RBMXL1: variants seen among roughly 807,000 people sequenced by gnomAD.
RBMXL1 encodes the protein RBMX like 1.
A neutral mutation model predicts 29.0 loss-of-function variants in RBMXL1; 18 were observed. The observed-to-expected ratio is 0.62, with a 90% CI of 0.43 to 0.92. The LOEUF is 0.92. RBMXL1 is among the 40% of genes least tolerant of loss of function. The pLI is 0.00. For missense variants in RBMXL1, 403 were observed against 495.8 expected (o/e 0.81, Z 1.78); for synonymous variants, 141 against 170.4 (o/e 0.83, Z 1.34).
In RBMXL1 at chr1:88,986,037, C is replaced by T. The variant is rs968976575; in HGVS notation, c.-240-1971G>A. Among the ~76,000 whole-genome samples, 7 of 151,842 alleles carry T rather than the reference C, an allele frequency of 4.6e-5. No homozygotes were observed. The East Asian group carries it at 9.7e-4, about 21-fold the overall frequency. On this transcript the variant is annotated intron_variant, in intron 2 of 2. Transcript: ENST00000652648. ...CTCTACAAAAAATACAAATATTGGC[C>T]GGGAGTGGTGGCGGGCACCTATAGT...
rs759468515 is a variant in RBMXL1, at chr1:88,984,075, G to A, written c.-240-9C>T. ...AAAACAACAGAATGTTCCTGTAATGGTGGAAGAAATGAAAGTAAAACTCAG... is the reference window on the plus strand; with the variant it reads ...AAAACAACAGAATGTTCCTGTAATGATGGAAGAAATGAAAGTAAAACTCAG... On this transcript the variant is annotated splice_polypyrimidine_tract_variant and intron_variant, in intron 2 of 2. Coordinates refer to ENST00000652648, the MANE Select transcript of RBMXL1 (RefSeq NM_001162536.3). The A allele has an allele frequency of 1.6e-5, 7 of 433,416 alleles. No homozygotes were observed. The highest frequency in any genetic ancestry group is 1.5e-4 in the African/African-American group (7 of 46,786). 26.8% of individuals were successfully genotyped at this position (433,416 alleles called of 1,614,324 possible).
Position 88,980,386 on chromosome 1 carries a change from G to A in RBMXL1, c.*2268C>T, listed in dbSNP as rs911679668. On this transcript the variant is annotated 3_prime_UTR_variant, in exon 3 of 3. Transcript: ENST00000652648. ...CCCTCTGGACCAAGCACCCGCCCAA[G>A]CAAGCCAACTTTAACAAAATTATCT... 1 of 151,574 alleles carries A rather than the reference G, an allele frequency of 6.6e-6. No homozygotes were observed. The highest frequency in any genetic ancestry group is 2.4e-5 in the African/African-American group (1 of 41,116). 9.4% of individuals were successfully genotyped at this position (151,574 alleles called of 1,614,324 possible).
At position 88,982,811 on chromosome 1, in the gene RBMXL1, T is replaced by C. The variant is rs1376147381; in HGVS notation, c.1016A>G (p.Asp339Gly). The C allele has an allele frequency of 6.2e-7, 1 of 1,613,988 alleles. No individual in the cohort carries two copies. Among genetic ancestry groups the C allele is most frequent in the Admixed American group, 1.7e-5 (1 of 60,024 alleles). ...SSRSDLYSSC[D>G]RVGRQERGLP... ...CCCTCTTTCTTGTCTGCCAACCCTG[T>C]CACAACTTGAGTAGAGATCACTTCG... Residue 339 changes from aspartate to glycine, a missense_variant, in exon 3 of 3, where the codon GAC becomes GGC. Coordinates refer to ENST00000652648, the MANE Select transcript of RBMXL1 (RefSeq NM_001162536.3).
At position 88,980,806 on chromosome 1, in the gene RBMXL1, A is replaced by G. The variant is rs1295353030; in HGVS notation, c.*1848T>C. 2 of 152,196 alleles carry G rather than the reference A, an allele frequency of 1.3e-5. No individual in the cohort carries two copies. The highest frequency in any genetic ancestry group is 3.8e-4 in the East Asian group (2 of 5,202). 9.4% of individuals were successfully genotyped at this position (152,196 alleles called of 1,614,324 possible). On this transcript the variant is annotated 3_prime_UTR_variant, in exon 3 of 3. Transcript: ENST00000652648. ...CACAGAAGCTTTAACCCAAGTAATC[A>G]TAAGAATATGGAAGGATTCGGCTAA...
rs1442622046 is a variant in RBMXL1, at chr1:88,983,921, G to A, written c.-95C>T. The A allele has an allele frequency of 3.6e-5, 52 of 1,435,738 alleles. No individual in the cohort carries two copies. The highest frequency in any genetic ancestry group is 1.8e-4 in the East Asian group (8 of 44,042). 88.9% of individuals were successfully genotyped at this position (1,435,738 alleles called of 1,614,324 possible). A position where few individuals can be genotyped will look rare whatever the true frequency, so the allele number is the denominator to read the frequency against. On this transcript the variant is annotated 5_prime_UTR_variant, in exon 3 of 3. Coordinates refer to ENST00000652648, the MANE Select transcript of RBMXL1 (RefSeq NM_001162536.3). ...TTCCTAGCAGCTCAGCACCAGTGGC[G>A]GCTGTCAGTTAGGAGGACTGAACCG...
rs775801077 is a variant in RBMXL1, at chr1:88,983,048, T to C, written c.779A>G (p.Tyr260Cys). 2.4e-5 allele frequency: 39 copies of C among 1,612,568 alleles called. No individual in the cohort carries two copies. The highest frequency in any genetic ancestry group is 5.0e-5 in the Admixed American group (3 of 59,998). ...ACGACCATATCCATCTCTATCGCCA[T>C]AGCCTCTTGATGGATAGTCATCACG... ...SSRDDYPSRGYGDRDGYGRDR... is the reference protein window; with the variant it reads ...SSRDDYPSRGCGDRDGYGRDR... The change falls in exon 3 of 3, where the codon TAT (tyrosine) becomes TGT (cysteine). Residue 260 changes from tyrosine to cysteine, a missense_variant. Coordinates refer to ENST00000652648, the MANE Select transcript of RBMXL1 (RefSeq NM_001162536.3).
intron 2 of RBMXL1, among the ~76,000 whole-genome samples, chr1:88,987,575 T>C (rs1279375628): frequency 1.3e-5 from 2 of 152,354 alleles, no homozygotes; most frequent in South Asian, 2.1e-4. Flanking sequence ...CAATTTCATA[T>C]ACTTTAACCT....
chr1:88,985,778 T>C (rs763011715), intron 2 of RBMXL1, among the ~76,000 whole-genome samples: 1 of 152,036 alleles, frequency 6.6e-6, no homozygotes, highest in African/African-American at 2.4e-5. Flanking sequence ...ACTCAGAAAG[T>C]AGGAAAGATT....
Position 88,979,528 on chromosome 1 carries a change from A to G in RBMXL1, c.*3126T>C, listed in dbSNP as rs1280623366. Reference sequence around the variant, plus strand: ...CTCAATAAGACAAACAATCCAATTAAAAGTGGGCAAAAGATTTGACAGCCA... The same window carrying G: ...CTCAATAAGACAAACAATCCAATTAGAAGTGGGCAAAAGATTTGACAGCCA... On this transcript the variant is annotated 3_prime_UTR_variant, in exon 3 of 3. Coordinates refer to ENST00000652648, the MANE Select transcript of RBMXL1 (RefSeq NM_001162536.3). 6.6e-6 allele frequency: 1 copy of G among 152,322 alleles called. No individual in the cohort carries two copies. Among genetic ancestry groups the G allele is most frequent in the South Asian group, 2.1e-4 (1 of 4,830 alleles). 9.4% of individuals were successfully genotyped at this position (152,322 alleles called of 1,614,324 possible). A position where few individuals can be genotyped will look rare whatever the true frequency, so the allele number is the denominator to read the frequency against.
In RBMXL1 at chr1:88,981,837, G is replaced by A; in HGVS notation, c.*817C>T. The A allele has an allele frequency of 2.2e-6, 1 of 459,862 alleles. No homozygotes were observed. 28.5% of individuals were successfully genotyped at this position (459,862 alleles called of 1,614,324 possible). ...ACTTTTTAGAAGTCATAAGCCTTTAGGAAGTTGGAGATAAATTCATTGCTT... is the reference window on the plus strand; with the variant it reads ...ACTTTTTAGAAGTCATAAGCCTTTAAGAAGTTGGAGATAAATTCATTGCTT... On this transcript the variant is annotated 3_prime_UTR_variant, in exon 3 of 3. Coordinates refer to ENST00000652648, the MANE Select transcript of RBMXL1 (RefSeq NM_001162536.3).
rs1476336703 is a variant in RBMXL1, at chr1:88,980,290, A to G, written c.*2364T>C. 6.6e-6 allele frequency: 1 copy of G among 152,664 alleles called. No homozygotes were observed. The highest frequency in any genetic ancestry group is 1.9e-4 in the East Asian group (1 of 5,204). 9.5% of individuals were successfully genotyped at this position (152,664 alleles called of 1,614,324 possible). A position where few individuals can be genotyped will look rare whatever the true frequency, so the allele number is the denominator to read the frequency against. ...TTGAGTTGTAATTCTAAACAGATAC[A>G]GTTTACTGTAACTTGATAAAGCTGA... On this transcript the variant is annotated 3_prime_UTR_variant, in exon 3 of 3. Transcript: ENST00000652648.
At chr1:88,991,025 G>A (rs934915406) in intron 1 of RBMXL1, among the ~76,000 whole-genome samples, 3 of 152,132 alleles carry the variant, frequency 2.0e-5, no homozygotes, top group Non-Finnish European at 2.9e-5. Flanking sequence ...TATGAATCAG[G>A]ATGATCTACG....
chr1:88,983,738 T>G lies in RBMXL1; in HGVS notation c.89A>C (p.Lys30Thr). 6.2e-7 allele frequency: 1 copy of G among 1,614,084 alleles called. No homozygotes were observed. The highest frequency in any genetic ancestry group is 8.5e-7 in the Non-Finnish European group (1 of 1,179,916). Reference protein sequence around the residue: ...NEKALETVFGKYGRIVEVLLI... With the variant: ...NEKALETVFGTYGRIVEVLLI... ...GAGTACTTCCACTATTCGTCCATATTTGCCAAATACTGTTTCAAGAGCTTT... is the reference window on the plus strand; with the variant it reads ...GAGTACTTCCACTATTCGTCCATATGTGCCAAATACTGTTTCAAGAGCTTT... The change falls in exon 3 of 3, where the codon AAA becomes ACA. Residue 30 changes from lysine to threonine, a missense_variant. Physicochemically the swap from Lys to Thr is moderately conservative, Grantham distance 78. Coordinates refer to ENST00000652648, the MANE Select transcript of RBMXL1 (RefSeq NM_001162536.3).
intron 1 of RBMXL1, 44 bp from the exon 2 acceptor site, chr1:88,988,395 T>C (rs762409039): frequency 1.6e-5 from 18 of 1,108,374 alleles, no homozygotes; most frequent in East Asian, 1.2e-4. Context: ...AAATATATGA[T>C]GGGTACATCA....
rs1677213860 is a variant in RBMXL1 at position 88,983,313 on chromosome 1, G to A, written c.514C>T (p.Arg172Cys). 1 of 1,614,002 alleles carries A rather than the reference G, an allele frequency of 6.2e-7. No individual in the cohort carries two copies. The highest frequency in any genetic ancestry group is 1.1e-5 in the South Asian group (1 of 91,072). ...CTTCCTCCCATTCCACTGCTGCTGC[G>A]AACTAGTCCTGAAGGTGCAGATCTC... The part of the protein sequence containing the change: ...PKRSAPSGLV[R>C]SSSGMGGRAP... Residue 172 changes from arginine to cysteine, a missense_variant, in exon 3 of 3, where the codon CGC becomes TGC. Arg to Cys is a radical substitution (Grantham distance 180). Coordinates refer to ENST00000652648, the MANE Select transcript of RBMXL1 (RefSeq NM_001162536.3).
Position 88,983,312 on chromosome 1 carries a change from C to T in RBMXL1, c.515G>A (p.Arg172His), listed in dbSNP as rs759043706. The T allele has an allele frequency of 6.2e-6, 10 of 1,613,940 alleles. No individual in the cohort carries two copies. The highest frequency in any genetic ancestry group is 8.5e-6 in the Non-Finnish European group (10 of 1,180,028). Residue 172 changes from arginine to histidine, a missense_variant, in exon 3 of 3, where the codon CGC (arginine) becomes CAC (histidine). Physicochemically the swap from Arg to His is conservative, Grantham distance 29. Transcript: ENST00000652648. ...PKRSAPSGLVRSSSGMGGRAP... is the reference protein window; with the variant it reads ...PKRSAPSGLVHSSSGMGGRAP... ...TCTTCCTCCCATTCCACTGCTGCTG[C>T]GAACTAGTCCTGAAGGTGCAGATCT... is the stretch of plus-strand genomic sequence containing the variant.
In RBMXL1 at chr1:88,988,280, G is replaced by C. The variant is rs1230850280; in HGVS notation, c.-269C>G. 1.2e-6 allele frequency: 2 copies of C among 1,613,566 alleles called. No individual in the cohort carries two copies. The highest frequency in any genetic ancestry group is 2.2e-5 in the South Asian group (2 of 91,030). On this transcript the variant is annotated 5_prime_UTR_variant, in exon 2 of 3. Transcript: ENST00000652648. ...AGAAGTAGAGAATCCGAGGATTTTG[G>C]AAGAAGAAATTGTCTTCAGGAATTT...
At chr1:88,985,855 T>C (rs1677418837) in intron 2 of RBMXL1, among the ~76,000 whole-genome samples, 1 of 152,218 alleles carries the variant, frequency 6.6e-6, no homozygotes, top group East Asian at 1.9e-4. Flanking sequence ...GGGTATGGAC[T>C]AAATGTACAA....
rs1297729663 is a variant in RBMXL1 at position 88,986,277 on chromosome 1, C to A, written c.-241+1975G>T. On this transcript the variant is annotated intron_variant, in intron 2 of 2. Transcript: ENST00000652648. ...AAGGTTTTGTCCAGTGTTGCTTTTG[C>A]GCTTCTCTGGTGGACATTTAAATTT... Among the ~76,000 whole-genome samples, 8 of 150,368 alleles carry A rather than the reference C, an allele frequency of 5.3e-5. No individual in the cohort carries two copies. The East Asian group carries it at 1.6e-3, about 30-fold the overall frequency.
Sources: allele counts gnomAD v4.1 joint callset (sites outside exome capture counted in the v4.1 genomes callset), GRCh38; gene constraint gnomAD v4.1.1; transcripts MANE v1.5; gene names NCBI Gene and HGNC (gene_info 2026-07-23, HGNC 2026-07-21).